NCKAP5: variants seen among roughly 807,000 people sequenced by gnomAD.
NCKAP5 encodes the protein NCK associated protein 5, also known as nck-associated protein 5.
A neutral mutation model predicts 167.0 loss-of-function variants in NCKAP5; 92 were observed. The ratio of observed to expected loss-of-function variants is 0.55; its 90% CI spans 0.47 to 0.66. The LOEUF (loss-of-function observed/expected upper bound fraction) is 0.66, where lower values mean the gene tolerates loss of function less well. Ranked by LOEUF, NCKAP5 falls within the 30% of genes least tolerant of loss-of-function variation. The probability of loss-of-function intolerance (pLI) is 0.00; values close to 1 mark genes in which losing one functional copy is unlikely to be tolerated. For synonymous variants in NCKAP5, 891 were observed against 877.4 expected (o/e 1.02, Z -0.27); for missense variants, 2,378 against 2,315.0 (o/e 1.03, Z -0.56).
At chr2:132,902,571 G>T (rs1158544903) in intron 8 of NCKAP5, among the ~76,000 whole-genome samples, 1 of 152,216 alleles carries the variant, frequency 6.6e-6, no homozygotes, top group Non-Finnish European at 1.5e-5. Context: ...TATTTCAAAT[G>T]TACTTAGCAA....
At chr2:133,513,239 T>C (rs1244113711) in intron 3 of NCKAP5, among the ~76,000 whole-genome samples, 1 of 152,192 alleles carries the variant, frequency 6.6e-6, no homozygotes, top group African/African-American at 2.4e-5. Flanking sequence ...AGAACATAGA[T>C]AGAGCAGTGG....
chr2:132,678,199 A>G (rs944861936), intron 19 of NCKAP5, among the ~76,000 whole-genome samples: 1 of 152,196 alleles, frequency 6.6e-6, no homozygotes, highest in African/African-American at 2.4e-5. Context: ...AGCTTCAAAG[A>G]GATACATGTT....
chr2:133,487,361 A>G (rs1052538167), intron 3 of NCKAP5, among the ~76,000 whole-genome samples: 1 of 152,142 alleles, frequency 6.6e-6, no homozygotes, highest in Non-Finnish European at 1.5e-5. Flanking sequence ...TACCTCTGAG[A>G]AATGATAGGG....
intron 3 of NCKAP5, among the ~76,000 whole-genome samples, chr2:133,430,183 G>A (rs773681423): frequency 1.6e-4 from 24 of 152,120 alleles, no homozygotes; most frequent in Non-Finnish European, 3.4e-4. Flanking sequence ...TGGGTACATA[G>A]TAGGTATATA....
the NCKAP5 span, among the ~76,000 whole-genome samples, chr2:133,622,661 CACAA>C: frequency 1.3e-5 from 2 of 152,194 alleles, no homozygotes; most frequent in East Asian, 1.9e-4. Context: ...TCATAGATGA[CACAA>C]ACAAACAGAA....
intron 13 of NCKAP5, among the ~76,000 whole-genome samples, chr2:132,786,511 A>T (rs1683580811): frequency 6.6e-6 from 1 of 152,150 alleles, no homozygotes; most frequent in Non-Finnish European, 1.5e-5. Flanking sequence ...TCACCTACCA[A>T]ATTTAGAAAG....
rs1173237546 is a variant in NCKAP5 at position 133,130,111 on chromosome 2, G to T, written c.208C>A (p.His70Asn). 1.2e-6 allele frequency: 2 copies of T among 1,606,168 alleles called. No homozygotes were observed. Among genetic ancestry groups the T allele is most frequent in the Admixed American group, 1.7e-5 (1 of 57,608 alleles). ...TCCAGTTCATGTATCAGCTTCTCAT[G>T]CTATAAAAGACACAAAGGGGATGAC... is the stretch of plus-strand genomic sequence containing the variant. ...VAQRTSEGAM[H>N]EKLIHELEEE... is the part of the protein sequence containing the mutation. Residue 70 changes from histidine to asparagine, a missense_variant and splice_region_variant, in exon 6 of 20, where the codon CAT (histidine) becomes AAT (asparagine). By Grantham distance (68) the His-to-Asn change is moderately conservative (BLOSUM62 1). Around this residue, in one of 3 missense-constraint regions of NCKAP5, gnomAD observed 1,049 missense variants for 1,023.4 expected, o/e 1.02. Transcript: ENST00000409261.
chr2:133,613,260 C>T, the NCKAP5 span, among the ~76,000 whole-genome samples: 1 of 152,112 alleles, frequency 6.6e-6, no homozygotes, highest in Non-Finnish European at 1.5e-5. Context: ...GACAAAGGGG[C>T]CCATTCCACT....
chr2:133,469,001 T>G, intron 3 of NCKAP5, among the ~76,000 whole-genome samples: 1 of 152,098 alleles, frequency 6.6e-6, no homozygotes. Context: ...GAGCATTTAG[T>G]CCATTTACAT....
At chr2:132,885,555 T>A (rs1159837716) in intron 8 of NCKAP5, among the ~76,000 whole-genome samples, 2 of 152,324 alleles carry the variant, frequency 1.3e-5, no homozygotes, top group East Asian at 1.9e-4. Flanking sequence ...GGTCTAAATA[T>A]GTTCATGGTT....
At chr2:133,450,340 G>T (rs1457837563) in intron 3 of NCKAP5, among the ~76,000 whole-genome samples, 5 of 152,084 alleles carry the variant, frequency 3.3e-5, no homozygotes, top group Admixed American at 6.5e-5. Flanking sequence ...ATTTTCATAT[G>T]TGGTAACCTT....
intron 1 of NCKAP5, among the ~76,000 whole-genome samples, chr2:133,559,663 A>G (rs1688019947): frequency 6.6e-6 from 1 of 152,174 alleles, no homozygotes; most frequent in South Asian, 2.1e-4. Context: ...ATCATGCCTG[A>G]CAAGGTTAAA....
At chr2:133,125,193 T>C (rs1020620910) in intron 6 of NCKAP5, among the ~76,000 whole-genome samples, 6 of 151,926 alleles carry the variant, frequency 3.9e-5, no homozygotes, top group South Asian at 2.1e-4. Flanking sequence ...CCTCACTTTA[T>C]CACCTAAGTG....
At chr2:133,515,784 G>A (rs1683933538) in intron 3 of NCKAP5, among the ~76,000 whole-genome samples, 4 of 152,162 alleles carry the variant, frequency 2.6e-5, no homozygotes, top group Admixed American at 6.5e-5. Flanking sequence ...CCCCATTGGG[G>A]GTTACTCACG....
intron 3 of NCKAP5, among the ~76,000 whole-genome samples, chr2:133,508,666 C>T (rs985263357): frequency 6.6e-6 from 1 of 152,186 alleles, no homozygotes; most frequent in Non-Finnish European, 1.5e-5. Context: ...CTGTTATGGA[C>T]AAAGCACTAG....
chr2:133,397,257 T>C (rs1413738837), intron 3 of NCKAP5, among the ~76,000 whole-genome samples: 1 of 152,212 alleles, frequency 6.6e-6, no homozygotes, highest in Admixed American at 6.5e-5. Context: ...CCCAACTCTA[T>C]AGAAACCAAT....
intron 2 of NCKAP5, among the ~76,000 whole-genome samples, chr2:133,532,222 G>A (rs1486674357): frequency 3.9e-5 from 6 of 152,094 alleles, no homozygotes; most frequent in Admixed American, 6.6e-5. Context: ...GACTTAAAAC[G>A]GTTTACCCCA....
intron 6 of NCKAP5, among the ~76,000 whole-genome samples, chr2:133,126,898 C>G (rs1429165388): frequency 6.6e-6 from 1 of 151,980 alleles, no homozygotes; most frequent in Non-Finnish European, 1.5e-5. Flanking sequence ...TTTATCAGCC[C>G]TATTGTAAAT....
chr2:132,951,085 T>C (rs1202381285), intron 8 of NCKAP5, among the ~76,000 whole-genome samples: 1 of 152,230 alleles, frequency 6.6e-6, no homozygotes, highest in African/African-American at 2.4e-5. Flanking sequence ...AAAATATGTC[T>C]TCTTTACTTT....
Sources: allele counts gnomAD v4.1 joint callset (sites outside exome capture counted in the v4.1 genomes callset), GRCh38; gene constraint gnomAD v4.1.1; regional missense constraint gnomAD v4.1.1; transcripts MANE v1.5; gene names NCBI Gene and HGNC (gene_info 2026-07-23, HGNC 2026-07-21).